The following DOCK9 variants were observed in gnomAD, a reference collection of about 807,000 sequenced individuals.
DOCK9 encodes the protein dedicator of cytokinesis protein 9.
A neutral mutation model predicts 263.3 loss-of-function variants in DOCK9; 89 were observed. That is an observed-to-expected ratio of 0.34 (90% CI 0.28 to 0.40). The LOEUF is 0.40. DOCK9 is among the 10% of genes least tolerant of loss of function. The pLI is 1.00. For missense variants in DOCK9, 2,140 were observed against 2,603.4 expected, an observed-to-expected ratio of 0.82 and a Z score of 3.87; for synonymous variants, 976 against 973.1, an observed-to-expected ratio of 1.00 and a Z score of -0.06.
At chr13:98,959,862 C>A (rs536029268) in intron 1 of DOCK9, among the ~76,000 whole-genome samples, 7 of 152,234 alleles carry the variant, frequency 4.6e-5, no homozygotes, top group Non-Finnish European at 1.0e-4. Flanking sequence ...AGGATAATTG[C>A]CTATTTTCAA....
chr13:99,082,406 C>A (rs1482908902), intron 1 of DOCK9, among the ~76,000 whole-genome samples: 2 of 151,306 alleles, frequency 1.3e-5, no homozygotes, highest in Non-Finnish European at 1.5e-5. Flanking sequence ...ATAATCTCAG[C>A]TACTCAGGAG....
intron 19 of DOCK9, 136 bp from the exon 20 acceptor site, chr13:98,885,967 G>T: frequency 2.7e-6 from 2 of 737,268 alleles, no homozygotes; most frequent in Non-Finnish European, 4.0e-6. Flanking sequence ...TGCACTCAAA[G>T]ATACTGAGAC....
At chr13:99,013,976 C>T (rs560116632) in intron 1 of DOCK9, among the ~76,000 whole-genome samples, 18 of 152,324 alleles carry the variant, frequency 1.2e-4, no homozygotes, top group African/African-American at 3.1e-4. Context: ...CATGCACAGA[C>T]GGCCTGCTGG....
At chr13:98,868,818 C>T (rs535123685) in intron 27 of DOCK9, among the ~76,000 whole-genome samples, 7 of 152,290 alleles carry the variant, frequency 4.6e-5, no homozygotes, top group African/African-American at 1.4e-4. Context: ...AATGAATTAA[C>T]CCTCCTTCTT....
chr13:98,897,682 T>C (rs2047641015), intron 14 of DOCK9, 72 bp from the exon 15 acceptor site: 1 of 1,570,810 alleles, frequency 6.4e-7, no homozygotes, highest in African/African-American at 1.4e-5. Context: ...TTAAGTCTAG[T>C]TTCTATGAGA....
At chr13:98,857,296 C>T (rs1326834778) in intron 33 of DOCK9, 2 of 152,214 alleles carry the variant, frequency 1.3e-5, no homozygotes. Flanking sequence ...GGCAAATGAG[C>T]TGCCATGGAC....
At chr13:98,830,915 T>A (rs1420436884) in intron 41 of DOCK9, among the ~76,000 whole-genome samples, 1 of 152,014 alleles carries the variant, frequency 6.6e-6, no homozygotes, top group Non-Finnish European at 1.5e-5. Flanking sequence ...AATACACAAG[T>A]TTGGTCATTA....
intron 1 of DOCK9, among the ~76,000 whole-genome samples, chr13:99,053,128 A>G (rs984515307): frequency 2.0e-5 from 3 of 152,094 alleles, no homozygotes; most frequent in Non-Finnish European, 4.4e-5. Context: ...TACCACTAAC[A>G]TCACTCCTGC....
At chr13:98,896,943 T>C (rs1025327900) in intron 15 of DOCK9, among the ~76,000 whole-genome samples, 16 of 152,274 alleles carry the variant, frequency 1.1e-4, no homozygotes, top group Admixed American at 6.5e-4. Context: ...TTATCACTAG[T>C]GTTCTAAGAA....
At chr13:98,817,009 C>T (rs1417487798) in intron 45 of DOCK9, among the ~76,000 whole-genome samples, 1 of 152,098 alleles carries the variant, frequency 6.6e-6, no homozygotes, top group Non-Finnish European at 1.5e-5. Flanking sequence ...CATATGTAGA[C>T]ACACATCAAC....
intron 15 of DOCK9, among the ~76,000 whole-genome samples, chr13:98,897,135 A>T (rs2047563481): frequency 6.6e-6 from 1 of 152,152 alleles, no homozygotes; most frequent in Non-Finnish European, 1.5e-5. Flanking sequence ...TCTCTTTGGC[A>T]CGACTTGAAT....
intron 1 of DOCK9, among the ~76,000 whole-genome samples, chr13:99,060,907 G>C (rs1301892272): frequency 6.6e-6 from 1 of 152,170 alleles, no homozygotes; most frequent in South Asian, 2.1e-4. Context: ...ACAATACTCA[G>C]TGAATGCATG....
chr13:99,078,744 A>C (rs2142448337), intron 1 of DOCK9, among the ~76,000 whole-genome samples: 1 of 152,380 alleles, frequency 6.6e-6, no homozygotes, highest in Admixed American at 6.5e-5. Context: ...AGGAAGAAAA[A>C]GAACTATCTC....
chr13:98,877,408 C>A (rs2044033021), intron 27 of DOCK9, among the ~76,000 whole-genome samples: 1 of 152,130 alleles, frequency 6.6e-6, no homozygotes, highest in African/African-American at 2.4e-5. Flanking sequence ...TTTTGAATAT[C>A]CTTGTATGTA....
At chr13:98,970,023 T>A (rs988528991) in intron 1 of DOCK9, among the ~76,000 whole-genome samples, 4 of 152,196 alleles carry the variant, frequency 2.6e-5, no homozygotes, top group African/African-American at 9.7e-5. Flanking sequence ...GAGACAGAGT[T>A]TCACTCTGTT....
intron 50 of DOCK9, among the ~76,000 whole-genome samples, chr13:98,800,010 T>A (rs1379155549): frequency 2.6e-5 from 4 of 152,172 alleles, no homozygotes; most frequent in Admixed American, 6.5e-5. Flanking sequence ...ATGCTTCTAA[T>A]CAGGCACCCA....
intron 45 of DOCK9, among the ~76,000 whole-genome samples, chr13:98,815,947 T>C (rs1213047017): frequency 2.0e-5 from 3 of 152,188 alleles, no homozygotes; most frequent in African/African-American, 7.2e-5. Flanking sequence ...AATAATCTGG[T>C]GCAATTTTAA....
intron 1 of DOCK9, among the ~76,000 whole-genome samples, chr13:99,030,392 G>T (rs1418077640): frequency 6.6e-6 from 1 of 152,130 alleles, no homozygotes; most frequent in Non-Finnish European, 1.5e-5. Context: ...AATAAATACA[G>T]CAAGCCTAAG....
At position 98,881,883 on chromosome 13, in the gene DOCK9, C is replaced by G; in HGVS notation, c.2675+9G>C. ...GAAGTGAGGAAGAGCATCCATCCAC[C>G]TCCCTTACCGAGTCACGTTAACCGC... On this transcript the variant is annotated intron_variant, in intron 24 of 52. Transcript: ENST00000682017. 1.3e-6 allele frequency: 2 copies of G among 1,558,486 alleles called. No individual in the cohort carries two copies. Among genetic ancestry groups the G allele is most frequent in the Non-Finnish European group, 1.7e-6 (2 of 1,149,522 alleles).
Sources: gnomAD v4.1 joint callset for allele counts (sites outside exome capture counted in the v4.1 genomes callset) on GRCh38, gnomAD v4.1.1 for gene constraint, MANE v1.5 for transcripts, NCBI Gene and HGNC (gene_info 2026-07-23, HGNC 2026-07-21) for gene names.